Variants in ZNF385D observed in about 807,000 individuals in gnomAD.
ZNF385D encodes zinc finger protein 659.
A neutral mutation model predicts 35.8 loss-of-function variants in ZNF385D; 15 were observed. The observed-to-expected ratio is 0.42, with a 90% CI of 0.28 to 0.64. The LOEUF is 0.64. Ranked by LOEUF, ZNF385D falls within the 30% of genes least tolerant of loss-of-function variation. The pLI is 0.23. For missense variants in ZNF385D, 474 were observed against 494.6 expected, an observed-to-expected ratio of 0.96 and a Z score of 0.39; for synonymous variants, 212 against 186.8, an observed-to-expected ratio of 1.13 and a Z score of -1.10.
intron 3 of ZNF385D, among the ~76,000 whole-genome samples, chr3:21,839,118 C>T (rs938151329): frequency 3.3e-5 from 5 of 152,036 alleles, no homozygotes; most frequent in African/African-American, 1.2e-4. Context: ...GCTATAAATG[C>T]AAAGTCAAAA....
chr3:22,296,476 T>C (rs1575063458), intron 2 of ZNF385D, among the ~76,000 whole-genome samples: 1 of 152,080 alleles, frequency 6.6e-6, no homozygotes, highest in Non-Finnish European at 1.5e-5. Context: ...GTCTAATGCC[T>C]ATGAAAGATA....
At chr3:21,456,813 G>T (rs890284787) in intron 4 of ZNF385D, among the ~76,000 whole-genome samples, 5 of 152,076 alleles carry the variant, frequency 3.3e-5, no homozygotes, top group African/African-American at 9.7e-5. Flanking sequence ...TCCCCAGATA[G>T]CCAGATTACT....
rs1700526929 is a variant in ZNF385D at position 21,413,911 on chromosome 3, T to G, written c.*7303A>C. ...GTAAATAGACATACTTATCACTCAA[T>G]TTATTCGACAGTGTCTGTTTGTAGT... On this transcript the variant is annotated 3_prime_UTR_variant, in exon 8 of 8. Transcript: ENST00000281523. 6.6e-6 allele frequency: 1 copy of G among 152,050 alleles called. No individual in the cohort carries two copies. Among genetic ancestry groups the G allele is most frequent in the African/African-American group, 2.4e-5 (1 of 41,450 alleles). The allele number at this position is 152,050 out of a possible 1,614,324, so 9.4% of individuals were successfully genotyped here. A position where few individuals can be genotyped will look rare whatever the true frequency, so the allele number is the denominator to read the frequency against.
intron 3 of ZNF385D, among the ~76,000 whole-genome samples, chr3:21,846,332 T>C (rs763956448): frequency 6.6e-6 from 1 of 152,072 alleles, no homozygotes; most frequent in Non-Finnish European, 1.5e-5. Context: ...GTACAGGCCA[T>C]ACCTTAATTA....
chr3:21,983,359 C>A (rs1316066157), intron 3 of ZNF385D, among the ~76,000 whole-genome samples: 265 of 120,554 alleles, frequency 2.2e-3, no homozygotes, highest in African/African-American at 7.7e-3. Context: ...ATTCCCCTTC[C>A]TGTGTCCATG....
intron 3 of ZNF385D, among the ~76,000 whole-genome samples, chr3:21,512,798 A>G (rs1296252558): frequency 6.6e-6 from 1 of 152,138 alleles, no homozygotes; most frequent in African/African-American, 2.4e-5. Flanking sequence ...TCCCTGCCTA[A>G]TTCTCATTTT....
At chr3:21,881,067 C>T (rs1698252190) in intron 3 of ZNF385D, among the ~76,000 whole-genome samples, 1 of 151,958 alleles carries the variant, frequency 6.6e-6, no homozygotes, top group African/African-American at 2.4e-5. Flanking sequence ...ATGTTCATAA[C>T]ATAAAAATAC....
At chr3:21,861,202 C>T (rs1244318700) in intron 3 of ZNF385D, among the ~76,000 whole-genome samples, 2 of 152,036 alleles carry the variant, frequency 1.3e-5, no homozygotes, top group African/African-American at 4.8e-5. Flanking sequence ...AATGAACAGA[C>T]TGCTCTCAAA....
chr3:21,878,366 C>T (rs1698091116), intron 3 of ZNF385D, among the ~76,000 whole-genome samples: 1 of 151,988 alleles, frequency 6.6e-6, no homozygotes, highest in South Asian at 2.1e-4. Context: ...GTGAGCAAGC[C>T]TGTTTCATAA....
intron 3 of ZNF385D, among the ~76,000 whole-genome samples, chr3:21,918,927 C>A (rs1206530738): frequency 6.6e-5 from 10 of 152,038 alleles, no homozygotes; most frequent in Admixed American, 6.5e-4. Context: ...AAATGCTTGC[C>A]CTAGATCCCA....
At chr3:22,003,848 C>T (rs576856676) in intron 3 of ZNF385D, among the ~76,000 whole-genome samples, 1 of 146,956 alleles carries the variant, frequency 6.8e-6, no homozygotes, top group East Asian at 2.0e-4. Context: ...GCCTGGGCAA[C>T]AAAGCAAGAC....
intron 2 of ZNF385D, among the ~76,000 whole-genome samples, chr3:22,365,908 AT>A (rs1327181930): frequency 6.6e-6 from 1 of 152,140 alleles, no homozygotes. Context: ...TGTTATTATT[AT>A]TCCTGTAGGA....
At chr3:21,728,272 C>T (rs938211660) in intron 1 of ZNF385D, among the ~76,000 whole-genome samples, 3 of 123,272 alleles carry the variant, frequency 2.4e-5, no homozygotes, top group Non-Finnish European at 5.0e-5. Flanking sequence ...TATCCCAGAA[C>T]TTAAAGTATA....
chr3:21,847,273 A>G (rs1313079379), intron 3 of ZNF385D, among the ~76,000 whole-genome samples: 2 of 152,106 alleles, frequency 1.3e-5, no homozygotes, highest in African/African-American at 4.8e-5. Context: ...ATTTGAATGC[A>G]TCACATTATG....
chr3:21,891,666 A>G (rs774949842), intron 3 of ZNF385D, among the ~76,000 whole-genome samples: 2 of 152,204 alleles, frequency 1.3e-5, no homozygotes, highest in Non-Finnish European at 2.9e-5. Flanking sequence ...TGTCCAGTTA[A>G]TATTCTAACA....
At chr3:21,545,029 G>A (rs150461700) in intron 3 of ZNF385D, among the ~76,000 whole-genome samples, 12 of 152,262 alleles carry the variant, frequency 7.9e-5, no homozygotes, top group East Asian at 1.9e-4. Context: ...ACATATGTTC[G>A]AAAATTGTAT....
At chr3:21,810,990 G>GTATATA (rs1289420492) in intron 3 of ZNF385D, among the ~76,000 whole-genome samples, 18 of 97,168 alleles carry the variant, frequency 1.9e-4, no homozygotes, top group Non-Finnish European at 2.9e-4. Flanking sequence ...GTGTGTGTGT[G>GTATATA]TGTGTGTGTA....
chr3:21,746,727 C>A (rs116140511), intron 1 of ZNF385D, among the ~76,000 whole-genome samples: 1 of 152,212 alleles, frequency 6.6e-6, no homozygotes, highest in Non-Finnish European at 1.5e-5. Flanking sequence ...TTCCTCATAA[C>A]AGATCACTCA....
intron 3 of ZNF385D, among the ~76,000 whole-genome samples, chr3:21,911,852 C>A (rs259546): frequency 0.43 from 64,763 of 151,502 alleles, 14,106 homozygotes; most frequent in Middle Eastern, 0.55. Flanking sequence ...CAAATATTTA[C>A]AAAATATAGT....
Sources: gnomAD v4.1 joint callset for allele counts (sites outside exome capture counted in the v4.1 genomes callset) on GRCh38, gnomAD v4.1.1 for gene constraint, MANE v1.5 for transcripts, NCBI Gene and HGNC (gene_info 2026-07-23, HGNC 2026-07-21) for gene names.